IL20RA: variants seen among roughly 807,000 people sequenced by gnomAD.
IL20RA encodes the protein interleukin 20 receptor subunit alpha, also known as interleukin-20 receptor subunit alpha.
IL20RA carries 29 observed loss-of-function variants against 36.5 expected under a neutral mutation model. The ratio of observed to expected loss-of-function variants is 0.79; its 90% CI spans 0.59 to 1.08. IL20RA has a LOEUF of 1.08. Among genes scored for constraint, IL20RA ranks in the 50% least tolerant of loss-of-function variants. The pLI, the probability that IL20RA is intolerant of heterozygous loss-of-function variation, is 0.00. For missense variants in IL20RA, 652 were observed against 668.4 expected (o/e 0.98, Z 0.27); for synonymous variants, 279 against 267.1 (o/e 1.04, Z -0.43).
chr6:137,025,390 C>T (rs276491), intron 1 of IL20RA, among the ~76,000 whole-genome samples: 124,947 of 152,180 alleles, frequency 0.82, 56,617 homozygotes, highest in East Asian at 1. Context: ...CCCTCTCCAT[C>T]CACCAAATCT....
chr6:137,044,388 A>C, intron 1 of IL20RA: 3 of 980,756 alleles, frequency 3.1e-6, no homozygotes, highest in East Asian at 5.9e-5. Flanking sequence ...AATTCTCGAG[A>C]CCGAAAGTGC....
At position 137,013,893 on chromosome 6, in the gene IL20RA, G is replaced by A. The variant is rs6917379; in HGVS notation, c.225-2441C>T. Among the ~76,000 whole-genome samples, 801 of 152,192 alleles carry A rather than the reference G, an allele frequency of 5.3e-3. 11 individuals carry two copies. The highest frequency in any genetic ancestry group is 0.018 in the African/African-American group (735 of 41,528). Reference sequence around the variant, plus strand: ...ACAGGCATGTAAGAACTCCAACATCGCAAGCTTCTTTTTAAAAACATATTT... The same window carrying A: ...ACAGGCATGTAAGAACTCCAACATCACAAGCTTCTTTTTAAAAACATATTT... On this transcript the variant is annotated intron_variant, in intron 2 of 6. Coordinates refer to ENST00000316649, the MANE Select transcript of IL20RA (RefSeq NM_014432.4).
intron 1 of IL20RA, among the ~76,000 whole-genome samples, chr6:137,034,768 G>A (rs1776422113): frequency 6.6e-6 from 1 of 151,942 alleles, no homozygotes; most frequent in African/African-American, 2.4e-5. Context: ...GTGAAACCCT[G>A]TCTCTACTAA....
intron 1 of IL20RA, among the ~76,000 whole-genome samples, chr6:137,026,545 A>G (rs1776095092): frequency 6.6e-6 from 1 of 152,246 alleles, no homozygotes; most frequent in Non-Finnish European, 1.5e-5. Flanking sequence ...ATTTTTAAAT[A>G]GGAAAATACC....
intron 5 of IL20RA, among the ~76,000 whole-genome samples, chr6:137,005,585 G>A (rs1380054344): frequency 2.0e-5 from 3 of 152,150 alleles, no homozygotes; most frequent in African/African-American, 7.2e-5. Flanking sequence ...ATGTCCAGTT[G>A]GCTAGGCCAC....
At chr6:137,021,360 G>A (rs1012137442) in intron 1 of IL20RA, among the ~76,000 whole-genome samples, 14 of 151,808 alleles carry the variant, frequency 9.2e-5, no homozygotes, top group African/African-American at 3.4e-4. Flanking sequence ...CATATATTTG[G>A]GTATGATTAA....
In IL20RA at chr6:137,011,469, T is replaced by C; in HGVS notation, c.225-17A>G. The C allele has an allele frequency of 1.3e-6, 2 of 1,587,128 alleles. No homozygotes were observed. ...TGCCCATATCTGCTAAGAAAGAAGC[T>C]GAATTAATAATGAGGTGCCCTCTAT... On this transcript the variant is annotated splice_polypyrimidine_tract_variant and intron_variant, in intron 2 of 6. Coordinates refer to ENST00000316649, the MANE Select transcript of IL20RA (RefSeq NM_014432.4).
intron 1 of IL20RA, chr6:137,044,321 T>C (rs1776818016): frequency 2.9e-6 from 3 of 1,038,184 alleles, no homozygotes; most frequent in Middle Eastern, 4.4e-4. Flanking sequence ...CCGCAAGTCA[T>C]AGGCTGTGGG....
rs1195702012 is a variant in IL20RA at position 137,001,774 on chromosome 6, C to G, written c.1446G>C (p.Trp482Cys). 4 of 1,612,164 alleles carry G rather than the reference C, an allele frequency of 2.5e-6. No individual in the cohort carries two copies. In the East Asian group the frequency reaches 6.7e-5, roughly 27 times the overall value. ...EEEPSTTLVD[W>C]DPQTGRLCIP... Reference sequence around the variant, plus strand: ...TACACAGCCTGCCAGTTTGGGGATCCCAGTCGACCAGGGTCGTCGATGGCT... The same window carrying G: ...TACACAGCCTGCCAGTTTGGGGATCGCAGTCGACCAGGGTCGTCGATGGCT... The change falls in exon 7 of 7, where the codon TGG becomes TGC. Residue 482 changes from tryptophan (W) to cysteine (C), a missense_variant. By Grantham distance (215) the Trp-to-Cys change is radical. Transcript: ENST00000316649.
chr6:137,008,865 C>CTTTTTT lies in IL20RA; in HGVS notation c.580-128_580-123dup, dbSNP rs3041890. The CTTTTTT allele has an allele frequency of 6.3e-4, 90 of 142,068 alleles. 1 individual carries two copies. Among genetic ancestry groups the CTTTTTT allele is most frequent in the Non-Finnish European group, 8.7e-4 (70 of 80,024 alleles). The allele number at this position is 142,068 out of a possible 1,614,324, so 8.8% of individuals were successfully genotyped here. Reference sequence around the variant, plus strand: ...TTTAATTCTTTACTATCAGTATAAGCTTTTTTTTTTTTTTTTTTTTTCAGC... The same window carrying CTTTTTT: ...TTTAATTCTTTACTATCAGTATAAGCTTTTTTTTTTTTTTTTTTTTTTTTTTTCAGC... On this transcript the variant is annotated intron_variant, in intron 4 of 6. Coordinates refer to ENST00000316649, the MANE Select transcript of IL20RA (RefSeq NM_014432.4).
At chr6:137,028,959 C>T (rs954495928) in intron 1 of IL20RA, among the ~76,000 whole-genome samples, 2 of 152,156 alleles carry the variant, frequency 1.3e-5, no homozygotes, top group Non-Finnish European at 2.9e-5. Flanking sequence ...GCTTTGAATG[C>T]TTTCAACAAT....
At chr6:137,031,105 T>C (rs1776263625) in intron 1 of IL20RA, among the ~76,000 whole-genome samples, 1 of 152,230 alleles carries the variant, frequency 6.6e-6, no homozygotes, top group South Asian at 2.1e-4. Context: ...TGCCACGAAT[T>C]ACTTATCTGT....
intron 5 of IL20RA, 70 bp downstream of exon 5, chr6:137,008,529 A>G: frequency 6.9e-7 from 1 of 1,450,116 alleles, no homozygotes; most frequent in East Asian, 2.4e-5. Context: ...AACCTTGTCT[A>G]AACCATCATA....
At chr6:137,024,384 G>T (rs982757297) in intron 1 of IL20RA, among the ~76,000 whole-genome samples, 1 of 152,192 alleles carries the variant, frequency 6.6e-6, no homozygotes, top group Non-Finnish European at 1.5e-5. Context: ...ATCAGGAAAT[G>T]TGTGCCAATT....
At chr6:137,006,332 T>A (rs1367422287) in intron 5 of IL20RA, among the ~76,000 whole-genome samples, 5 of 152,236 alleles carry the variant, frequency 3.3e-5, no homozygotes, top group Admixed American at 2.6e-4. Flanking sequence ...CACAGAGACG[T>A]GCCAATGCTG....
At chr6:137,044,191 GACTGCGGGGCCCGGCGGCCGAGACGC>G in intron 1 of IL20RA, 1 of 986,812 alleles carries the variant, frequency 1.0e-6, no homozygotes, top group African/African-American at 1.7e-5. Context: ...CGGCTTGCAG[GACTGCGGGGCCCGGCGGCCGAGACGC>G]GGCATCCACA....
At chr6:137,038,596 T>C (rs1402279664) in intron 1 of IL20RA, among the ~76,000 whole-genome samples, 2 of 152,160 alleles carry the variant, frequency 1.3e-5, no homozygotes, top group Non-Finnish European at 2.9e-5. Flanking sequence ...TCATAAACTG[T>C]AGACTAAGAA....
intron 1 of IL20RA, among the ~76,000 whole-genome samples, chr6:137,032,648 T>A (rs1407840454): frequency 1.3e-5 from 2 of 152,232 alleles, no homozygotes; most frequent in African/African-American, 4.8e-5. Flanking sequence ...TTACTTCTGC[T>A]GATTGTTGCT....
At chr6:137,012,125 A>C (rs1209871195) in intron 2 of IL20RA, among the ~76,000 whole-genome samples, 1 of 152,148 alleles carries the variant, frequency 6.6e-6, no homozygotes, top group Admixed American at 6.5e-5. Context: ...ACATGTGATA[A>C]GCCAGTGAAA....
Sources: gnomAD v4.1 joint callset for allele counts (sites outside exome capture counted in the v4.1 genomes callset) on GRCh38, gnomAD v4.1.1 for gene constraint, MANE v1.5 for transcripts, NCBI Gene and HGNC (gene_info 2026-07-23, HGNC 2026-07-21) for gene names.